The following TES variants were observed in gnomAD, a reference collection of about 807,000 sequenced individuals.
TES encodes the protein testin.
A neutral mutation model predicts 48.2 loss-of-function variants in TES; 41 were observed. The ratio of observed to expected loss-of-function variants is 0.85; its 90% confidence interval spans 0.66 to 1.10. TES has a LOEUF of 1.10. TES is among the 50% of genes least tolerant of loss of function. The pLI, the probability that TES is intolerant of heterozygous loss-of-function variation, is 0.00. For synonymous variants in TES, 162 were observed against 174.9 expected (o/e 0.93, Z 0.58); for missense variants, 463 against 515.1 (o/e 0.90, Z 0.98).
chr7:116,257,428 GC>G lies in TES; in HGVS notation c.1214del (p.Pro405GlnfsTer2). 1.2e-6 allele frequency: 2 copies of G among 1,613,996 alleles called. No individual in the cohort carries two copies. The highest frequency in any genetic ancestry group is 1.7e-6 in the Non-Finnish European group (2 of 1,179,966). ...AATGCCTCATTGGGCAGAAGTTCAT[GC>G]CAGTAGAAGGGATGGTTTTCTGTTC... ...SKCLIGQKFM[P>X]VEGMVFCSVE... On this transcript the variant is annotated frameshift_variant, in exon 7 of 7. Transcript: ENST00000358204. LOFTEE classifies it high-confidence loss of function.
At chr7:116,211,997 C>A (rs1799444256) in intron 1 of TES, among the ~76,000 whole-genome samples, 1 of 152,184 alleles carries the variant, frequency 6.6e-6, no homozygotes, top group African/African-American at 2.4e-5. Context: ...ATTCTATTCT[C>A]TTCCCATTTG....
chr7:116,244,534 C>T (rs139371494), intron 2 of TES, among the ~76,000 whole-genome samples: 57 of 152,360 alleles, frequency 3.7e-4, no homozygotes, highest in Non-Finnish European at 4.7e-4. Flanking sequence ...TGGGCAACTC[C>T]GCCCCTGTGG....
chr7:116,257,469 A>AT lies in TES; in HGVS notation c.1253_1254insT (p.Lys418AsnfsTer26), dbSNP rs759226942. 8.1e-6 allele frequency: 13 copies of AT among 1,611,072 alleles called. No individual in the cohort carries two copies. The highest frequency in any genetic ancestry group is 1.0e-5 in the Non-Finnish European group (12 of 1,178,528). ...GTTTTCTGTTCAGTGGAATGTAAGA[A>AT]GAGGATGTCTTAGGAGGAGGGCACC... On this transcript the variant is annotated frameshift_variant, in exon 7 of 7. Coordinates refer to ENST00000358204, the MANE Select transcript of TES (RefSeq NM_015641.4). LOFTEE classifies it high-confidence loss of function.
At chr7:116,213,052 G>A (rs534795157) in intron 1 of TES, among the ~76,000 whole-genome samples, 2 of 152,136 alleles carry the variant, frequency 1.3e-5, no homozygotes, top group Non-Finnish European at 2.9e-5. Context: ...AGGCTTGATA[G>A]TCTAACAAAA....
chr7:116,226,143 T>TA (rs1465323521), intron 1 of TES, among the ~76,000 whole-genome samples: 3 of 152,234 alleles, frequency 2.0e-5, no homozygotes, highest in Non-Finnish European at 2.9e-5. Context: ...GGGATAAAGA[T>TA]ATGTTATGAT....
intron 2 of TES, 143 bp downstream of exon 2, chr7:116,234,762 A>G (rs1799745002): frequency 1.2e-5 from 8 of 641,998 alleles, no homozygotes; most frequent in Non-Finnish European, 1.9e-5. Flanking sequence ...TGAATACAAC[A>G]TAAAAAGTGT....
At position 116,234,518 on chromosome 7, in the gene TES, GTTTTCT is replaced by G. The variant is rs1337448607; in HGVS notation, c.28-11_28-6del. 6.2e-7 allele frequency: 1 copy of G among 1,606,202 alleles called. No individual in the cohort carries two copies. Among genetic ancestry groups the G allele is most frequent in the Non-Finnish European group, 8.5e-7 (1 of 1,175,084 alleles). On this transcript the variant is annotated splice_polypyrimidine_tract_variant and intron_variant, in intron 1 of 6. Transcript: ENST00000358204. ...AAGAATCTAATAACAGATTCATGAT[GTTTTCT>G]TTTTAACAGATGGGCTTAGGTCACG...
At chr7:116,252,233 A>T (rs1397465624) in intron 5 of TES, 85 bp from the exon 6 acceptor site, 2 of 1,407,606 alleles carry the variant, frequency 1.4e-6, no homozygotes, top group Non-Finnish European at 1.9e-6. Flanking sequence ...TCATTTTCAA[A>T]CTTTAGACCC....
chr7:116,210,937 G>A (rs1799429834), intron 1 of TES: 1 of 374,582 alleles, frequency 2.7e-6, no homozygotes, highest in African/African-American at 2.1e-5. Context: ...CCACACTCGG[G>A]AGCGACAGAA....
At chr7:116,254,760 G>GT (rs1800072495) in intron 6 of TES, among the ~76,000 whole-genome samples, 3 of 87,150 alleles carry the variant, frequency 3.4e-5, no homozygotes, top group Non-Finnish European at 6.5e-5. Flanking sequence ...ATATATATAT[G>GT]TGTGTGTGTG....
chr7:116,252,705 T>G, intron 6 of TES: 1 of 548,278 alleles, frequency 1.8e-6, no homozygotes, highest in East Asian at 3.3e-5. Context: ...CAATTATAGG[T>G]ACTGCTTAAT....
At chr7:116,245,264 C>T (rs1019161932) in intron 2 of TES, among the ~76,000 whole-genome samples, 3 of 152,146 alleles carry the variant, frequency 2.0e-5, no homozygotes, top group Admixed American at 6.5e-5. Context: ...TCCGTCACCT[C>T]TTGAATGCTT....
chr7:116,210,954 G>A, intron 1 of TES: 1 of 351,772 alleles, frequency 2.8e-6, no homozygotes, highest in Non-Finnish European at 5.1e-6. Flanking sequence ...AGAATTGGAA[G>A]CGCGAGCGAG....
At chr7:116,253,651 C>T (rs1273441721) in intron 6 of TES, among the ~76,000 whole-genome samples, 1 of 152,152 alleles carries the variant, frequency 6.6e-6, no homozygotes, top group African/African-American at 2.4e-5. Flanking sequence ...TTCTAGTTTA[C>T]ACACTGTTGT....
intron 4 of TES, 143 bp downstream of exon 4, chr7:116,250,639 T>C: frequency 3.0e-6 from 2 of 662,058 alleles, no homozygotes; most frequent in Non-Finnish European, 4.6e-6. Flanking sequence ...AGATTCAGTT[T>C]AGACTTCCCA....
chr7:116,241,895 CTT>C (rs1040247681), intron 2 of TES, among the ~76,000 whole-genome samples: 13 of 152,142 alleles, frequency 8.5e-5, no homozygotes, highest in African/African-American at 3.1e-4. Context: ...AAATTTAACT[CTT>C]TATATTTAAC....
In TES at chr7:116,257,554, T is replaced by TG; in HGVS notation, c.*73dup. On this transcript the variant is annotated 3_prime_UTR_variant, in exon 7 of 7. Transcript: ENST00000358204. ...TGCATTTCTACTGTAAAATGCAATT[T>TG]GAAAAAAATAAAACGCAAAAAAAGA... 2.5e-6 allele frequency: 3 copies of TG among 1,221,338 alleles called. No homozygotes were observed. The highest frequency in any genetic ancestry group is 3.2e-6 in the Non-Finnish European group (3 of 947,762). 75.7% of individuals were successfully genotyped at this position (1,221,338 alleles called of 1,614,324 possible).
chr7:116,237,721 A>G (rs1262895937), intron 2 of TES, among the ~76,000 whole-genome samples: 1 of 152,176 alleles, frequency 6.6e-6, no homozygotes, highest in Non-Finnish European at 1.5e-5. Context: ...TTCCAGTTCT[A>G]GAGGCTGGAA....
intron 1 of TES, among the ~76,000 whole-genome samples, chr7:116,219,889 T>C (rs1799536761): frequency 6.6e-6 from 1 of 152,128 alleles, no homozygotes; most frequent in Non-Finnish European, 1.5e-5. Context: ...TCTGAAAAAC[T>C]GTAGAGGAAA....
Sources: allele counts gnomAD v4.1 joint callset (sites outside exome capture counted in the v4.1 genomes callset), GRCh38; gene constraint gnomAD v4.1.1; transcripts MANE v1.5; gene names NCBI Gene and HGNC (gene_info 2026-07-23, HGNC 2026-07-21).